The following SSH2 variants were observed in gnomAD, a reference collection of about 807,000 sequenced individuals.
The protein encoded by SSH2 is slingshot protein phosphatase 2.
In SSH2, 37 loss-of-function variants were observed where a neutral mutation model predicts 135.2. That is an observed-to-expected ratio of 0.27 (90% confidence interval 0.21 to 0.36). The LOEUF (loss-of-function observed/expected upper bound fraction) is 0.36, where lower values mean the gene tolerates loss of function less well. Among genes scored for constraint, SSH2 ranks in the 10% least tolerant of loss-of-function variants. SSH2 has a pLI of 1.00. For synonymous variants in SSH2, 628 were observed against 646.2 expected, an observed-to-expected ratio of 0.97 and a Z score of 0.43; for missense variants, 1,408 against 1,765.3, an observed-to-expected ratio of 0.80 and a Z score of 3.63.
intron 1 of SSH2, among the ~76,000 whole-genome samples, chr17:29,900,645 A>C (rs2066533895): frequency 6.6e-6 from 1 of 152,162 alleles, no homozygotes; most frequent in South Asian, 2.1e-4. Context: ...GCTGGAGAGG[A>C]TGTGGAGAAA....
intron 3 of SSH2, chr17:29,780,315 C>T (rs1288110367): frequency 6.6e-6 from 1 of 152,126 alleles, no homozygotes; most frequent in African/African-American, 2.4e-5. Flanking sequence ...GAAATGTTAA[C>T]ATCATCACTC....
rs139697973 is a variant in SSH2 at position 29,711,738 on chromosome 17, C to T, written c.189-8676G>A. The stretch of plus-strand genomic sequence containing the variant: ...ACATCTGGCAGTTGGAAATTCTCCC[C>T]GTGGAATCTGAATCTCCCCTGGAAA... On this transcript the variant is annotated intron_variant, in intron 3 of 15. Transcript: ENST00000540801. Among the ~76,000 whole-genome samples, 19 of 152,268 alleles carry T rather than the reference C, an allele frequency of 1.2e-4. No homozygotes were observed. The East Asian group carries it at 1.5e-3, about 12-fold the overall frequency.
chr17:29,810,722 TA>T (rs1567988044), intron 2 of SSH2, among the ~76,000 whole-genome samples: 1 of 152,258 alleles, frequency 6.6e-6, no homozygotes, highest in Non-Finnish European at 1.5e-5. Context: ...TATTAGCTTA[TA>T]ATTGTTTTCA....
intron 1 of SSH2, among the ~76,000 whole-genome samples, chr17:29,893,994 G>C (rs1218454990): frequency 6.6e-6 from 1 of 151,856 alleles, no homozygotes; most frequent in African/African-American, 2.4e-5. Flanking sequence ...CTATCTTTAG[G>C]CTTCTCTCAT....
intron 1 of SSH2, among the ~76,000 whole-genome samples, chr17:29,881,754 C>G (rs2066142162): frequency 6.6e-6 from 1 of 152,170 alleles, no homozygotes; most frequent in Non-Finnish European, 1.5e-5. Context: ...CCCACCTCGG[C>G]CTCCCAAAGT....
chr17:29,814,028 G>T (rs1409048388), intron 2 of SSH2, among the ~76,000 whole-genome samples: 7 of 146,004 alleles, frequency 4.8e-5, no homozygotes, highest in Non-Finnish European at 9.0e-5. Flanking sequence ...TACTAGGGAG[G>T]CTGAGGCAGG....
At chr17:29,831,983 T>C (rs940608140) in intron 2 of SSH2, among the ~76,000 whole-genome samples, 1 of 152,244 alleles carries the variant, frequency 6.6e-6, no homozygotes, top group Non-Finnish European at 1.5e-5. Context: ...ATGTAAGTTT[T>C]GCTCATTTTT....
intron 3 of SSH2, among the ~76,000 whole-genome samples, chr17:29,782,730 C>CATG (rs967802158): frequency 3.3e-5 from 5 of 152,272 alleles, no homozygotes; most frequent in African/African-American, 7.2e-5. Context: ...GGATTACAGG[C>CATG]ATGCGCCACC....
intron 2 of SSH2, among the ~76,000 whole-genome samples, 185 bp downstream of exon 2, chr17:29,848,664 A>ATATAC (rs2065489622): frequency 6.6e-6 from 1 of 152,220 alleles, no homozygotes; most frequent in African/African-American, 2.4e-5. Flanking sequence ...ATGCATATAA[A>ATATAC]TGTACCATAC....
intron 3 of SSH2, among the ~76,000 whole-genome samples, chr17:29,790,750 A>G (rs1461505730): frequency 6.8e-6 from 1 of 147,264 alleles, no homozygotes; most frequent in Non-Finnish European, 1.5e-5. Flanking sequence ...TTTTTTTGAG[A>G]CAGAGTCTTG....
intron 2 of SSH2, among the ~76,000 whole-genome samples, chr17:29,828,351 T>C (rs1359777792): frequency 6.6e-6 from 1 of 152,236 alleles, no homozygotes; most frequent in East Asian, 1.9e-4. Flanking sequence ...CAGCAGGGTC[T>C]GAATCTACTG....
intron 4 of SSH2, among the ~76,000 whole-genome samples, chr17:29,701,423 TTTTTG>T (rs2038975534): frequency 6.7e-6 from 1 of 148,496 alleles, no homozygotes; most frequent in African/African-American, 2.5e-5. Context: ...TTTTTTTTTT[TTTTTG>T]AGACAGGGTC....
At chr17:29,770,092 GTTTTT>G (rs563803251) in intron 3 of SSH2, among the ~76,000 whole-genome samples, 4 of 72,924 alleles carry the variant, frequency 5.5e-5, no homozygotes, top group Non-Finnish European at 8.9e-5. Context: ...GCTATATTTA[GTTTTT>G]TTTTTTTTTT....
intron 2 of SSH2, among the ~76,000 whole-genome samples, chr17:29,799,416 T>C (rs980170127): frequency 1.3e-5 from 2 of 152,228 alleles, no homozygotes; most frequent in African/African-American, 4.8e-5. Flanking sequence ...AGAGTTTTAG[T>C]TGATCTAAAT....
intron 3 of SSH2, among the ~76,000 whole-genome samples, chr17:29,719,825 C>T (rs574811532): frequency 2.0e-5 from 3 of 152,276 alleles, no homozygotes; most frequent in South Asian, 4.1e-4. Context: ...GGCACAGTCT[C>T]GGCTCACTGC....
chr17:29,667,242 C>A lies in SSH2; in HGVS notation c.810-19G>T. 1.4e-6 allele frequency: 2 copies of A among 1,433,158 alleles called. No individual in the cohort carries two copies. The highest frequency in any genetic ancestry group is 1.9e-6 in the Non-Finnish European group (2 of 1,027,104). 88.8% of individuals were successfully genotyped at this position (1,433,158 alleles called of 1,614,324 possible). The stretch of plus-strand genomic sequence containing the variant: ...AGTAGGTCTGAGAAGAGAGAAATAA[C>A]GATTATTCTTAAACGATATTCTTAA... On this transcript the variant is annotated intron_variant, in intron 9 of 15. Coordinates refer to ENST00000540801, the MANE Select transcript of SSH2 (RefSeq NM_001282129.2).
chr17:29,730,514 T>C (rs982581913), intron 3 of SSH2, among the ~76,000 whole-genome samples: 1 of 151,528 alleles, frequency 6.6e-6, no homozygotes, highest in African/African-American at 2.4e-5. Flanking sequence ...CCACTCACTG[T>C]AGCCTTGACC....
chr17:29,707,773 G>A (rs759620672), intron 3 of SSH2, among the ~76,000 whole-genome samples: 3 of 152,022 alleles, frequency 2.0e-5, no homozygotes, highest in South Asian at 2.1e-4. Flanking sequence ...TGATCCGCCC[G>A]CCTTGGCCTC....
intron 2 of SSH2, among the ~76,000 whole-genome samples, chr17:29,841,276 C>T (rs887286309): frequency 6.6e-6 from 1 of 152,186 alleles, no homozygotes; most frequent in African/African-American, 2.4e-5. Flanking sequence ...AAGATAAGTA[C>T]ACTTTTCTGT....
Sources: gnomAD v4.1 joint callset for allele counts (sites outside exome capture counted in the v4.1 genomes callset) on GRCh38, gnomAD v4.1.1 for gene constraint, MANE v1.5 for transcripts, NCBI Gene and HGNC (gene_info 2026-07-23, HGNC 2026-07-21) for gene names.